Variants in PDE4D observed in about 807,000 individuals in gnomAD.
PDE4D encodes the protein 3',5'-cyclic-AMP phosphodiesterase 4D.
PDE4D carries 24 observed loss-of-function variants against 87.4 expected under a neutral mutation model. The ratio of observed to expected loss-of-function variants is 0.27; its 90% CI spans 0.20 to 0.39. The LOEUF (loss-of-function observed/expected upper bound fraction) is 0.39, where lower values mean the gene tolerates loss of function less well. Among genes scored for constraint, PDE4D ranks in the 10% least tolerant of loss-of-function variants. PDE4D has a pLI of 1.00. For missense variants in PDE4D, 714 were observed against 1,041.0 expected (o/e 0.69, Z 4.32); for synonymous variants, 384 against 383.2 (o/e 1.00, Z -0.02).
intron 1 of PDE4D, among the ~76,000 whole-genome samples, chr5:59,571,377 A>G (rs1438727714): frequency 6.6e-6 from 1 of 152,150 alleles, no homozygotes. Flanking sequence ...GTCTTGATTG[A>G]CGCTCTGAAG....
At position 60,086,387 on chromosome 5, in the gene PDE4D, C is replaced by T. The variant is rs537299873; in HGVS notation, c.43-97670G>A. On this transcript the variant is annotated intron_variant, in intron 2 of 16. Coordinates refer to the PDE4D transcript ENST00000502484. ...AAAAGAACTGCTAGATATTATAGCTCTTTAAACTATATATTTTTTATATTT... is the reference window on the plus strand; with the variant it reads ...AAAAGAACTGCTAGATATTATAGCTTTTTAAACTATATATTTTTTATATTT... Among the ~76,000 whole-genome samples, 12 of 152,240 alleles carry T rather than the reference C, an allele frequency of 7.9e-5. No individual in the cohort carries two copies. In the South Asian group the frequency reaches 2.3e-3, roughly 29 times the overall value.
intron 1 of PDE4D, among the ~76,000 whole-genome samples, chr5:59,416,342 G>C (rs933833623): frequency 6.6e-6 from 1 of 152,160 alleles, no homozygotes; most frequent in Non-Finnish European, 1.5e-5. Flanking sequence ...TGAGAAAATA[G>C]TAACCAGAAA....
At chr5:60,048,911 C>T (rs1184879761) in intron 2 of PDE4D, among the ~76,000 whole-genome samples, 1 of 152,128 alleles carries the variant, frequency 6.6e-6, no homozygotes, top group Non-Finnish European at 1.5e-5. Context: ...GAATTTTGGC[C>T]TGCCTTGCTA....
intron 1 of PDE4D, among the ~76,000 whole-genome samples, chr5:59,437,658 T>G (rs1157917603): frequency 6.6e-6 from 1 of 151,886 alleles, no homozygotes; most frequent in East Asian, 1.9e-4. Context: ...TAATTGAGCA[T>G]GTACTATGTA....
At chr5:59,182,267 T>A (rs920918230) in intron 4 of PDE4D, among the ~76,000 whole-genome samples, 2 of 142,620 alleles carry the variant, frequency 1.4e-5, no homozygotes, top group African/African-American at 2.6e-5. Flanking sequence ...TTTTTTTTTT[T>A]AAAGTTTTGA....
At chr5:60,469,857 C>T (rs1276008466) in intron 1 of PDE4D, among the ~76,000 whole-genome samples, 2 of 152,166 alleles carry the variant, frequency 1.3e-5, no homozygotes, top group Non-Finnish European at 2.9e-5. Flanking sequence ...GTCTCCTTCT[C>T]CCTGAGACAC....
intron 1 of PDE4D, among the ~76,000 whole-genome samples, chr5:59,394,863 AGT>A (rs1371978507): frequency 8.5e-5 from 13 of 152,084 alleles, no homozygotes; most frequent in African/African-American, 3.1e-4. Context: ...GGCGCAGGTC[AGT>A]GGGTGCGCGC....
chr5:59,605,518 C>T (rs1828082632), intron 1 of PDE4D, among the ~76,000 whole-genome samples: 1 of 152,060 alleles, frequency 6.6e-6, no homozygotes, highest in Non-Finnish European at 1.5e-5. Context: ...CAGACTTTCT[C>T]TAACATCTAA....
At chr5:60,302,406 T>C (rs528638000) in intron 1 of PDE4D, among the ~76,000 whole-genome samples, 3 of 152,328 alleles carry the variant, frequency 2.0e-5, no homozygotes, top group Non-Finnish European at 2.9e-5. Context: ...GGAAGGTGTA[T>C]GTGTCCAGGA....
chr5:59,821,271 CAACA>C (rs1769626412), intron 1 of PDE4D, among the ~76,000 whole-genome samples: 1 of 148,802 alleles, frequency 6.7e-6, no homozygotes. Flanking sequence ...ACAACAACAA[CAACA>C]AAAGAAAAAG....
chr5:60,061,190 T>G (rs1254897006), intron 2 of PDE4D, among the ~76,000 whole-genome samples: 1 of 152,172 alleles, frequency 6.6e-6, no homozygotes, highest in African/African-American at 2.4e-5. Context: ...CCCCATTGTC[T>G]CAGCCCCAAA....
At chr5:60,350,706 T>C (rs1270971595) in intron 1 of PDE4D, among the ~76,000 whole-genome samples, 1 of 152,154 alleles carries the variant, frequency 6.6e-6, no homozygotes, top group Non-Finnish European at 1.5e-5. Context: ...ATATATGAAA[T>C]AAACTAATTT....
Position 60,241,520 on chromosome 5 carries a change from C to T in PDE4D, c.-89-55833G>A, listed in dbSNP as rs187245739. Among the ~76,000 whole-genome samples, 266 of 152,076 alleles carry T rather than the reference C, an allele frequency of 1.7e-3. 2 individuals are homozygous for T. The highest frequency in any genetic ancestry group is 6.1e-3 in the African/African-American group (254 of 41,520). Reference sequence around the variant, plus strand: ...AACTCCTGAACTCAGGTGATCTGTCCGCCTTGGCCTCCCAAAGTGCTGTGC... The same window carrying T: ...AACTCCTGAACTCAGGTGATCTGTCTGCCTTGGCCTCCCAAAGTGCTGTGC... On this transcript the variant is annotated intron_variant, in intron 1 of 16. Transcript: ENST00000502484.
intron 1 of PDE4D, among the ~76,000 whole-genome samples, chr5:59,595,423 C>T (rs1053410267): frequency 6.6e-6 from 1 of 152,090 alleles, no homozygotes; most frequent in Non-Finnish European, 1.5e-5. Context: ...ATTCCATTCC[C>T]AAAAGACAAG....
At chr5:59,820,159 T>C (rs17311853) in intron 1 of PDE4D, among the ~76,000 whole-genome samples, 34,094 of 152,184 alleles carry the variant, frequency 0.22, 4,876 homozygotes, top group Admixed American at 0.34. Flanking sequence ...AGGATTCATC[T>C]CTATGTTTCT....
intron 6 of PDE4D, among the ~76,000 whole-genome samples, chr5:59,022,165 A>G (rs866427705): frequency 6.6e-6 from 1 of 152,102 alleles, no homozygotes; most frequent in South Asian, 2.1e-4. Flanking sequence ...AAACATTTAC[A>G]TCCGCCACTG....
chr5:60,113,401 T>TA (rs1392371398), intron 2 of PDE4D, among the ~76,000 whole-genome samples: 6 of 152,156 alleles, frequency 3.9e-5, no homozygotes, highest in African/African-American at 4.8e-5. Context: ...AAGAAGCTTT[T>TA]AAAATCACCT....
At chr5:59,549,428 G>A (rs531764555) in intron 1 of PDE4D, among the ~76,000 whole-genome samples, 1 of 152,232 alleles carries the variant, frequency 6.6e-6, no homozygotes, top group East Asian at 1.9e-4. Context: ...GATTAGAGCA[G>A]AACCATTTTC....
intron 3 of PDE4D, chr5:59,987,997 A>G (rs780016124): frequency 6.5e-6 from 1 of 152,722 alleles, no homozygotes; most frequent in African/African-American, 2.4e-5. Context: ...TATTCTGGTA[A>G]GCAATACCTC....
Sources: allele counts gnomAD v4.1 joint callset (sites outside exome capture counted in the v4.1 genomes callset), GRCh38; gene constraint gnomAD v4.1.1; transcripts MANE v1.5; gene names NCBI Gene and HGNC (gene_info 2026-07-23, HGNC 2026-07-21).